Variants in GLIS3 observed in about 807,000 individuals in gnomAD.
GLIS3 encodes the protein zinc finger protein GLIS3.
A neutral mutation model predicts 78.6 loss-of-function variants in GLIS3; 53 were observed. That is an observed-to-expected ratio of 0.67 (90% confidence interval 0.54 to 0.85). GLIS3 has a LOEUF of 0.85. GLIS3 is among the 40% of genes least tolerant of loss of function. The pLI is 0.00. For synonymous variants in GLIS3, 684 were observed against 509.9 expected, an observed-to-expected ratio of 1.34 and a Z score of -4.60; for missense variants, 1,703 against 1,231.1, an observed-to-expected ratio of 1.38 and a Z score of -5.74.
intron 1 of GLIS3, among the ~76,000 whole-genome samples, chr9:4,295,867 G>A (rs1209284261): frequency 6.6e-6 from 1 of 152,084 alleles, no homozygotes; most frequent in African/African-American, 2.4e-5. Flanking sequence ...ATCAAACTAT[G>A]TATCAATGTC....
chr9:4,049,528 C>T (rs1825537341), intron 4 of GLIS3, among the ~76,000 whole-genome samples: 1 of 152,278 alleles, frequency 6.6e-6, no homozygotes, highest in East Asian at 1.9e-4. Flanking sequence ...GTGTACTGAG[C>T]TATTCGTAGT....
At chr9:4,396,777 G>A in the GLIS3 span, among the ~76,000 whole-genome samples, 1 of 152,084 alleles carries the variant, frequency 6.6e-6, no homozygotes, top group Non-Finnish European at 1.5e-5. Flanking sequence ...TCCTTTCATG[G>A]AACCCAGGTT....
intron 6 of GLIS3, among the ~76,000 whole-genome samples, chr9:3,922,907 A>C (rs1345797067): frequency 6.6e-6 from 1 of 152,206 alleles, no homozygotes; most frequent in East Asian, 1.9e-4. Flanking sequence ...GCAGTAAAGA[A>C]GGAAGGAAGT....
chr9:4,186,278 T>C (rs1241089556), intron 2 of GLIS3, among the ~76,000 whole-genome samples: 5 of 151,822 alleles, frequency 3.3e-5, no homozygotes, highest in African/African-American at 9.7e-5. Context: ...GATACTTTAC[T>C]GAGAATGATG....
At chr9:4,184,439 A>G (rs569938002) in intron 2 of GLIS3, among the ~76,000 whole-genome samples, 62 of 152,354 alleles carry the variant, frequency 4.1e-4, no homozygotes, top group African/African-American at 1.5e-3. Context: ...CCCACTTCAA[A>G]GGGAGACATT....
chr9:4,126,750 C>A (rs908398939), intron 2 of GLIS3, among the ~76,000 whole-genome samples: 4 of 152,202 alleles, frequency 2.6e-5, no homozygotes, highest in African/African-American at 9.6e-5. Context: ...TCATTCTAGA[C>A]ATTCTTTTTA....
intron 3 of GLIS3, among the ~76,000 whole-genome samples, chr9:4,121,068 A>G (rs1028860089): frequency 2.0e-5 from 3 of 152,248 alleles, no homozygotes; most frequent in East Asian, 3.8e-4. Context: ...AGCAAATTCT[A>G]TATTCTATTC....
the GLIS3 span, among the ~76,000 whole-genome samples, chr9:4,376,222 G>A: frequency 6.6e-6 from 1 of 152,158 alleles, no homozygotes; most frequent in Non-Finnish European, 1.5e-5. Context: ...GTTCCTTTCA[G>A]GGGAAGATGT....
intron 2 of GLIS3, among the ~76,000 whole-genome samples, chr9:4,140,034 T>G (rs1158488111): frequency 1.3e-5 from 2 of 152,210 alleles, no homozygotes; most frequent in Admixed American, 6.5e-5. Flanking sequence ...TTCTTCATAT[T>G]AGATATAACT....
intron 8 of GLIS3, among the ~76,000 whole-genome samples, chr9:3,865,803 C>G (rs1446095225): frequency 6.6e-6 from 1 of 152,184 alleles, no homozygotes; most frequent in Non-Finnish European, 1.5e-5. Flanking sequence ...ACTTCCTTGG[C>G]ACTTAAAACA....
At chr9:4,386,964 C>T in the GLIS3 span, among the ~76,000 whole-genome samples, 2 of 152,292 alleles carry the variant, frequency 1.3e-5, no homozygotes, top group Non-Finnish European at 2.9e-5. Context: ...AGAACTCTCA[C>T]CCTACTCTGT....
At chr9:3,915,854 T>C (rs1211956348) in intron 6 of GLIS3, among the ~76,000 whole-genome samples, 1 of 152,214 alleles carries the variant, frequency 6.6e-6, no homozygotes, top group South Asian at 2.1e-4. Context: ...TACTCTCGCA[T>C]ATATATGCTG....
chr9:4,301,084 A>C (rs1222054965), upstream of GLIS3, among the ~76,000 whole-genome samples: 1 of 152,162 alleles, frequency 6.6e-6, no homozygotes, highest in Non-Finnish European at 1.5e-5. Context: ...CTAAAAGACT[A>C]TTGGCAGTTT....
At chr9:3,992,155 T>C (rs1820364437) in intron 4 of GLIS3, among the ~76,000 whole-genome samples, 1 of 152,224 alleles carries the variant, frequency 6.6e-6, no homozygotes, top group South Asian at 2.1e-4. Context: ...CAACAAATGA[T>C]GTTAGAATGT....
At chr9:4,302,104 T>C (rs1293403259), upstream of GLIS3, among the ~76,000 whole-genome samples, 2 of 151,810 alleles carry the variant, frequency 1.3e-5, no homozygotes, top group African/African-American at 2.4e-5. Context: ...TGACTCAGAA[T>C]GAGATCTGTA....
intron 4 of GLIS3, among the ~76,000 whole-genome samples, chr9:4,027,719 C>G (rs1823463185): frequency 6.6e-6 from 1 of 152,214 alleles, no homozygotes; most frequent in South Asian, 2.1e-4. Flanking sequence ...TGACAGCTCT[C>G]TAGAATCCTG....
the GLIS3 span, among the ~76,000 whole-genome samples, chr9:4,451,280 A>C: frequency 1.3e-5 from 2 of 152,348 alleles, no homozygotes; most frequent in Non-Finnish European, 2.9e-5. Context: ...AAAGGGATCA[A>C]TTCAATAAGA....
chr9:4,408,486 T>C, the GLIS3 span, among the ~76,000 whole-genome samples: 1 of 151,444 alleles, frequency 6.6e-6, no homozygotes, highest in African/African-American at 2.4e-5. Context: ...CCCAGCACTT[T>C]TGGAGGCTGA....
intron 2 of GLIS3, among the ~76,000 whole-genome samples, chr9:4,156,672 T>G (rs1267168018): frequency 6.6e-6 from 1 of 152,200 alleles, no homozygotes; most frequent in Non-Finnish European, 1.5e-5. Flanking sequence ...CCATTAAAAT[T>G]TACATATCCT....
Sources: allele counts gnomAD v4.1 joint callset (sites outside exome capture counted in the v4.1 genomes callset), GRCh38; gene constraint gnomAD v4.1.1; transcripts MANE v1.5; gene names NCBI Gene and HGNC (gene_info 2026-07-23, HGNC 2026-07-21).